SORBS2: variants seen among roughly 807,000 people sequenced by gnomAD.
The protein encoded by SORBS2 is sorbin and SH3 domain containing 2, also known as sorbin and SH3 domain-containing protein 2.
SORBS2 carries 46 observed loss-of-function variants against 97.7 expected under a neutral mutation model. That is an observed-to-expected ratio of 0.47 (90% CI 0.37 to 0.60). SORBS2 has a LOEUF of 0.60. Among genes scored for constraint, SORBS2 ranks in the 20% least tolerant of loss-of-function variants. The probability of loss-of-function intolerance (pLI) is 0.00; values close to 1 mark genes in which losing one functional copy is unlikely to be tolerated. For synonymous variants in SORBS2, 476 were observed against 473.4 expected (o/e 1.01, Z -0.07); for missense variants, 1,316 against 1,282.3 (o/e 1.03, Z -0.40).
At chr4:185,611,905 C>T in exon 12 of SORBS2, 1 of 1,613,996 alleles carries the variant, frequency 6.2e-7, no homozygotes, top group Admixed American at 1.7e-5. Context: ...GGGAAGATGC[C>T]TTGTCTGTTG....
chr4:185,812,314 T>A (rs1218232456), intron 1 of SORBS2, 120 bp from the exon 1 acceptor site: 1 of 152,232 alleles, frequency 6.6e-6, no homozygotes, highest in Admixed American at 6.5e-5. Context: ...TTAGCAAGCA[T>A]GGCTGATCAT....
intron 1 of SORBS2, among the ~76,000 whole-genome samples, chr4:185,805,652 T>C (rs180906251): frequency 6.6e-6 from 1 of 152,314 alleles, no homozygotes; most frequent in Admixed American, 6.5e-5. Flanking sequence ...CACCGGTCTA[T>C]TCACACTGTA....
At chr4:185,796,528 C>T (rs2099105628) in intron 1 of SORBS2, among the ~76,000 whole-genome samples, 2 of 130,916 alleles carry the variant, frequency 1.5e-5, no homozygotes, top group Admixed American at 1.5e-4. Context: ...ACGCTGTTCC[C>T]TGGTCACGGT....
intron 1 of SORBS2, among the ~76,000 whole-genome samples, chr4:185,842,930 T>TAAAAAAAAA (rs56193107): frequency 3.3e-5 from 4 of 122,358 alleles, no homozygotes; most frequent in Non-Finnish European, 5.0e-5. Flanking sequence ...AAAGACTGTC[T>TAAAAAAAAA]AAAAAAAAAA....
intron 2 of SORBS2, among the ~76,000 whole-genome samples, chr4:185,747,018 C>A (rs533777777): frequency 2.5e-4 from 38 of 152,122 alleles, no homozygotes; most frequent in Non-Finnish European, 5.0e-4. Flanking sequence ...GAGTGCCGGG[C>A]GCAGTGGCTC....
intron 1 of SORBS2, among the ~76,000 whole-genome samples, chr4:185,865,141 G>C (rs1178911547): frequency 2.6e-5 from 4 of 152,164 alleles, no homozygotes; most frequent in Non-Finnish European, 5.9e-5. Context: ...TCCTGTCTTT[G>C]ATATGGCTGC....
At chr4:185,818,397 G>A (rs1310737213) in intron 1 of SORBS2, among the ~76,000 whole-genome samples, 1 of 151,990 alleles carries the variant, frequency 6.6e-6, no homozygotes, top group East Asian at 2.0e-4. Flanking sequence ...CACCATGTTA[G>A]CCAGGATGGT....
At chr4:185,596,482 T>C (rs2096091502) in intron 12 of SORBS2, among the ~76,000 whole-genome samples, 1 of 151,038 alleles carries the variant, frequency 6.6e-6, no homozygotes, top group African/African-American at 2.4e-5. Flanking sequence ...CCCACGTCCA[T>C]GGCTGGAGAA....
intron 1 of SORBS2, among the ~76,000 whole-genome samples, chr4:185,861,104 G>A (rs2099223453): frequency 6.6e-6 from 1 of 152,150 alleles, no homozygotes; most frequent in Non-Finnish European, 1.5e-5. Flanking sequence ...TGTCTATCTT[G>A]TTGGCATCAT....
Position 185,612,637 on chromosome 4 carries a change from C to T in SORBS2, c.2596-657G>A, listed in dbSNP as rs554734278. Among the ~76,000 whole-genome samples, 17 of 151,886 alleles carry T rather than the reference C, an allele frequency of 1.1e-4. 1 individual carries two copies. The South Asian group carries it at 2.5e-3, about 22-fold the overall frequency. ...CCAAGTAGCTGGGATTACAGGCGCC[C>T]GCCACCAGGCCCGGCTAATTTTTTG... On this transcript the variant is annotated intron_variant, in intron 11 of 14. Transcript: ENST00000418609.
chr4:185,624,472 A>G (rs771208064), exon 7 of SORBS2: 1 of 1,607,126 alleles, frequency 6.2e-7, no homozygotes, highest in Non-Finnish European at 8.5e-7. Context: ...AAAGGGATGG[A>G]CATATTTTGC....
chr4:185,587,304 C>CT (rs33934418), exon 15 of SORBS2: 4,874 of 157,734 alleles, frequency 0.031, 201 homozygotes, highest in African/African-American at 0.098. Flanking sequence ...CCTGGAGACA[C>CT]TTTTTTTTTT....
At chr4:185,731,598 G>A (rs1261870984) in intron 2 of SORBS2, among the ~76,000 whole-genome samples, 1 of 49,144 alleles carries the variant, frequency 2.0e-5, no homozygotes, top group Non-Finnish European at 3.7e-5. Flanking sequence ...CTCCCTCCCT[G>A]CCTATCTCTC....
rs116168223 is a variant in SORBS2, at chr4:185,877,165, A to C, written c.-338+79031T>G. On this transcript the variant is annotated intron_variant, in intron 1 of 20. Transcript: ENST00000284776. Reference sequence around the variant, plus strand: ...CTGGAGGCACAAATAAACAGCAGCCATAATAATGTCGTATATTAATATAAC... The same window carrying C: ...CTGGAGGCACAAATAAACAGCAGCCCTAATAATGTCGTATATTAATATAAC... 2.9e-3 allele frequency among the ~76,000 whole-genome samples: 445 copies of C among 152,360 alleles called. 3 individuals are homozygous for C. The highest frequency in any genetic ancestry group is 0.01 in the African/African-American group (422 of 41,590).
At chr4:185,954,010 G>A (rs1401113500) in intron 1 of SORBS2, among the ~76,000 whole-genome samples, 2 of 152,162 alleles carry the variant, frequency 1.3e-5, no homozygotes, top group Non-Finnish European at 2.9e-5. Context: ...CTCATCTCTT[G>A]CTGTCCTGAA....
intron 2 of SORBS2, among the ~76,000 whole-genome samples, chr4:185,747,297 G>T (rs888534878): frequency 6.6e-6 from 1 of 152,326 alleles, no homozygotes; most frequent in South Asian, 2.1e-4. Context: ...AAAGCCACCA[G>T]TCTGTGGTAC....
At chr4:185,834,671 C>A (rs1027766442) in intron 1 of SORBS2, among the ~76,000 whole-genome samples, 1 of 151,384 alleles carries the variant, frequency 6.6e-6, no homozygotes, top group East Asian at 1.9e-4. Flanking sequence ...TAATTAATTC[C>A]TAGGTTGGGC....
At chr4:185,717,466 G>C (rs183880032) in intron 2 of SORBS2, among the ~76,000 whole-genome samples, 1 of 152,188 alleles carries the variant, frequency 6.6e-6, no homozygotes, top group Non-Finnish European at 1.5e-5. Flanking sequence ...TGTGCAACGC[G>C]TATTATTTGC....
chr4:185,645,939 C>T (rs2097200414), intron 4 of SORBS2: 1 of 152,072 alleles, frequency 6.6e-6, no homozygotes, highest in South Asian at 2.1e-4. Context: ...TTCGAGGAGG[C>T]AAGTGGTTCT....
Sources: allele counts gnomAD v4.1 joint callset (sites outside exome capture counted in the v4.1 genomes callset), GRCh38; gene constraint gnomAD v4.1.1; transcripts MANE v1.5; gene names NCBI Gene and HGNC (gene_info 2026-07-23, HGNC 2026-07-21).